PTBP2: variants seen among roughly 807,000 people sequenced by gnomAD.
PTBP2 encodes polypyrimidine tract-binding protein 2.
PTBP2 carries 13 observed loss-of-function variants against 61.4 expected under a neutral mutation model. The observed-to-expected ratio is 0.21, with a 90% CI of 0.14 to 0.34. The LOEUF (loss-of-function observed/expected upper bound fraction) is 0.34. Ranked by LOEUF, PTBP2 falls within the 10% of genes least tolerant of loss-of-function variation. PTBP2 has a pLI of 1.00. For synonymous variants in PTBP2, 215 were observed against 218.5 expected, an observed-to-expected ratio of 0.98 and a Z score of 0.14; for missense variants, 405 against 642.6, an observed-to-expected ratio of 0.63 and a Z score of 4.00.
chr1:96,792,151 T>C (rs1414030701), intron 8 of PTBP2, among the ~76,000 whole-genome samples: 1 of 152,180 alleles, frequency 6.6e-6, no homozygotes, highest in East Asian at 1.9e-4. Context: ...TAGAGTTTTT[T>C]ATGTAATTAT....
intron 8 of PTBP2, among the ~76,000 whole-genome samples, chr1:96,791,273 A>G (rs1316808515): frequency 6.6e-6 from 1 of 152,230 alleles, no homozygotes; most frequent in Non-Finnish European, 1.5e-5. Flanking sequence ...TAGTGAGGTA[A>G]TAGAGCAATA....
intron 2 of PTBP2, among the ~76,000 whole-genome samples, chr1:96,749,332 C>T (rs1654243110): frequency 6.6e-6 from 1 of 152,004 alleles, no homozygotes; most frequent in South Asian, 2.1e-4. Context: ...CACAAATAGT[C>T]AAACATCAGA....
intron 11 of PTBP2, among the ~76,000 whole-genome samples, chr1:96,811,642 C>T (rs192385191): frequency 2.0e-4 from 31 of 152,252 alleles, no homozygotes; most frequent in Non-Finnish European, 3.4e-4. Flanking sequence ...GTCTCGAACT[C>T]CTAGACCTTG....
At chr1:96,813,246 G>A (rs772266013) in intron 13 of PTBP2, 30 bp from the exon 14 acceptor site, 1 of 1,576,914 alleles carries the variant, frequency 6.3e-7, no homozygotes, top group South Asian at 1.2e-5. Context: ...TTTGTATGAA[G>A]TGTCTAATTT....
chr1:96,790,111 A>T (rs192023310), intron 8 of PTBP2, among the ~76,000 whole-genome samples: 168 of 152,216 alleles, frequency 1.1e-3, no homozygotes, highest in Non-Finnish European at 2.0e-3. Flanking sequence ...CCAATCTCTC[A>T]TTCATTTACT....
Position 96,791,036 on chromosome 1 carries a change from G to A in PTBP2, c.904+5782G>A, listed in dbSNP as rs1189890772. Among the ~76,000 whole-genome samples the A allele has an allele frequency of 2.0e-5, 3 of 150,574 alleles. No individual in the cohort carries two copies. In the East Asian group the frequency reaches 5.8e-4, roughly 29 times the overall value. ...ATTGTGAAAAAAAAAAACCATCCAG[G>A]TATGCATGTTATTTATTCATTGAGA... On this transcript the variant is annotated intron_variant, in intron 8 of 13. Transcript: ENST00000674951.
Position 96,738,838 on chromosome 1 carries a change from G to A in PTBP2, c.40-12587G>A, listed in dbSNP as rs1284052564. 3.3e-5 allele frequency among the ~76,000 whole-genome samples: 5 copies of A among 151,982 alleles called. No homozygotes were observed. In the East Asian group the frequency reaches 5.8e-4, roughly 18 times the overall value. ...GCTTTAGAAAATAATGCTTTGTTTC[G>A]TATTCTTTTCCTAGTATTTTATGTC... On this transcript the variant is annotated intron_variant, in intron 2 of 13. Transcript: ENST00000674951.
chr1:96,822,387 G>A (rs1489705773), exon 14 of PTBP2: 9 of 152,130 alleles, frequency 5.9e-5, no homozygotes, highest in Admixed American at 3.9e-4. Context: ...AGCATGGCTC[G>A]GTCATAAATT....
intron 2 of PTBP2, among the ~76,000 whole-genome samples, chr1:96,749,041 TCTC>T (rs1161066699): frequency 6.6e-6 from 1 of 151,998 alleles, no homozygotes; most frequent in Non-Finnish European, 1.5e-5. Context: ...GGCTGTTAAA[TCTC>T]CTCTCTTAAC....
At chr1:96,768,121 C>A (rs1050112985) in intron 3 of PTBP2, among the ~76,000 whole-genome samples, 1 of 152,060 alleles carries the variant, frequency 6.6e-6, no homozygotes, top group African/African-American at 2.4e-5. Flanking sequence ...CAGTCCTAGA[C>A]AAAGTAACTT....
chr1:96,743,689 A>G (rs577445413), intron 2 of PTBP2, among the ~76,000 whole-genome samples: 5 of 152,026 alleles, frequency 3.3e-5, no homozygotes, highest in Admixed American at 3.3e-4. Context: ...TTACCCTAAA[A>G]CCTCCAGTAT....
chr1:96,743,102 C>T (rs1037174409), intron 2 of PTBP2, among the ~76,000 whole-genome samples: 3 of 151,828 alleles, frequency 2.0e-5, no homozygotes, highest in Admixed American at 6.6e-5. Flanking sequence ...TTGGCTAACA[C>T]AGTGAAAACC....
intron 2 of PTBP2, among the ~76,000 whole-genome samples, chr1:96,745,266 C>T (rs937213610): frequency 3.7e-4 from 56 of 152,108 alleles, no homozygotes; most frequent in African/African-American, 1.3e-3. Flanking sequence ...TGGTTCACCC[C>T]ATTCTCCTGC....
At chr1:96,743,960 A>G (rs752677766) in intron 2 of PTBP2, among the ~76,000 whole-genome samples, 36 of 152,150 alleles carry the variant, frequency 2.4e-4, no homozygotes, top group Non-Finnish European at 5.1e-4. Context: ...TGGTTGGATC[A>G]CAAGGTCAGG....
At chr1:96,725,026 A>G (rs1034503010) in intron 2 of PTBP2, among the ~76,000 whole-genome samples, 15 of 152,218 alleles carry the variant, frequency 9.9e-5, no homozygotes, top group African/African-American at 3.6e-4. Context: ...TAAAGGAGGA[A>G]TAATACGCTC....
At chr1:96,762,675 C>G (rs1411733097) in intron 3 of PTBP2, among the ~76,000 whole-genome samples, 7 of 136,990 alleles carry the variant, frequency 5.1e-5, no homozygotes, top group Non-Finnish European at 1.5e-5. Context: ...GGGGGTCTGA[C>G]CCCCCCACCT....
intron 8 of PTBP2, among the ~76,000 whole-genome samples, chr1:96,801,565 G>A (rs1027654502): frequency 6.6e-6 from 1 of 152,002 alleles, no homozygotes; most frequent in African/African-American, 2.4e-5. Context: ...TAAAAAGTTC[G>A]TGGTTTTGGC....
chr1:96,788,124 T>G (rs2101086120), intron 8 of PTBP2, among the ~76,000 whole-genome samples: 1 of 152,276 alleles, frequency 6.6e-6, no homozygotes, highest in East Asian at 1.9e-4. Context: ...CTGTTAAGAT[T>G]TAGTTTACAA....
chr1:96,739,618 GTTTTTTTTT>G (rs772410191), intron 2 of PTBP2, among the ~76,000 whole-genome samples: 2 of 83,802 alleles, frequency 2.4e-5, no homozygotes, highest in African/African-American at 1.1e-4. Context: ...ACTGGTGTGT[GTTTTTTTTT>G]TTTTTTTTTT....
Sources: gnomAD v4.1 joint callset for allele counts (sites outside exome capture counted in the v4.1 genomes callset) on GRCh38, gnomAD v4.1.1 for gene constraint, MANE v1.5 for transcripts, NCBI Gene and HGNC (gene_info 2026-07-23, HGNC 2026-07-21) for gene names.